TSPAN5: variants seen among roughly 807,000 people sequenced by gnomAD.
TSPAN5 encodes the protein tetraspanin-5.
A neutral mutation model predicts 37.1 loss-of-function variants in TSPAN5; 10 were observed. The observed-to-expected ratio is 0.27, with a 90% CI of 0.17 to 0.46. TSPAN5 has a LOEUF of 0.46. Ranked by LOEUF, TSPAN5 falls within the 20% of genes least tolerant of loss-of-function variation. The probability of loss-of-function intolerance (pLI) is 1.00; values close to 1 mark genes in which losing one functional copy is unlikely to be tolerated. For missense variants in TSPAN5, 195 were observed against 326.6 expected (o/e 0.60, Z 3.11); for synonymous variants, 110 against 118.9 (o/e 0.93, Z 0.48).
chr4:98,487,737 T>C (rs1271018717), intron 2 of TSPAN5, among the ~76,000 whole-genome samples: 1 of 152,118 alleles, frequency 6.6e-6, no homozygotes, highest in Non-Finnish European at 1.5e-5. Context: ...GATTTACAAA[T>C]CAAAGGTTAC....
intron 1 of TSPAN5, among the ~76,000 whole-genome samples, chr4:98,570,833 C>T (rs1420332921): frequency 6.6e-6 from 1 of 152,058 alleles, no homozygotes; most frequent in Non-Finnish European, 1.5e-5. Flanking sequence ...GTCCACATCG[C>T]ACCTCCTACA....
At chr4:98,623,419 T>C (rs1375448991) in intron 1 of TSPAN5, among the ~76,000 whole-genome samples, 2 of 152,204 alleles carry the variant, frequency 1.3e-5, no homozygotes, top group Non-Finnish European at 2.9e-5. Flanking sequence ...AAGAAGGTAT[T>C]TAATTAGAGT....
intron 1 of TSPAN5, among the ~76,000 whole-genome samples, chr4:98,579,502 G>A (rs1755322068): frequency 6.6e-6 from 1 of 150,644 alleles, no homozygotes; most frequent in South Asian, 2.2e-4. Context: ...CTGAGTAAAT[G>A]AGTGTTTAAC....
intron 2 of TSPAN5, among the ~76,000 whole-genome samples, chr4:98,503,973 G>A (rs1753415203): frequency 6.6e-6 from 1 of 152,092 alleles, no homozygotes; most frequent in African/African-American, 2.4e-5. Context: ...CTCATCCTTT[G>A]CATTTTTACA....
chr4:98,608,572 C>T (rs376512344), intron 1 of TSPAN5, among the ~76,000 whole-genome samples: 27 of 152,212 alleles, frequency 1.8e-4, no homozygotes, highest in Admixed American at 6.5e-4. Flanking sequence ...AGCGGAAGAA[C>T]GAGGCCCAGG....
intron 1 of TSPAN5, among the ~76,000 whole-genome samples, chr4:98,528,570 GGACA>G (rs1209627781): frequency 1.3e-5 from 2 of 151,980 alleles, no homozygotes; most frequent in Admixed American, 1.3e-4. Context: ...AAAATCTAGA[GGACA>G]GACTGGGATG....
At chr4:98,481,975 C>G (rs374574357) in intron 4 of TSPAN5, 30 bp downstream of exon 4, 5 of 1,609,544 alleles carry the variant, frequency 3.1e-6, no homozygotes, top group Non-Finnish European at 4.2e-6. Context: ...AGAGAACTTT[C>G]AACTTGAAAA....
intron 1 of TSPAN5, among the ~76,000 whole-genome samples, chr4:98,591,076 T>G (rs923497033): frequency 6.7e-6 from 1 of 149,566 alleles, no homozygotes; most frequent in East Asian, 1.9e-4. Flanking sequence ...TTTGTTTTTT[T>G]GTTTTTTTTT....
chr4:98,635,659 A>G (rs768282890), intron 1 of TSPAN5, among the ~76,000 whole-genome samples: 8 of 152,236 alleles, frequency 5.3e-5, no homozygotes, highest in Non-Finnish European at 1.0e-4. Context: ...GGAAAAAAAG[A>G]GACTACAGCA....
intron 1 of TSPAN5, among the ~76,000 whole-genome samples, chr4:98,642,896 C>T (rs901170444): frequency 1.3e-4 from 19 of 151,848 alleles, no homozygotes; most frequent in Non-Finnish European, 2.1e-4. Context: ...AGTGTTATTA[C>T]AAAAGAGTAA....
intron 1 of TSPAN5, among the ~76,000 whole-genome samples, chr4:98,554,088 A>T (rs2013855): frequency 0.71 from 106,750 of 151,186 alleles, 37,865 homozygotes; most frequent in South Asian, 0.86. Flanking sequence ...AATTAAAAAA[A>T]AAATGTAAAA....
At chr4:98,495,426 G>A (rs750817010) in intron 2 of TSPAN5, among the ~76,000 whole-genome samples, 2 of 151,946 alleles carry the variant, frequency 1.3e-5, no homozygotes, top group Admixed American at 6.5e-5. Context: ...TCGGGAGGCT[G>A]AGGCAGGAGA....
intron 1 of TSPAN5, among the ~76,000 whole-genome samples, chr4:98,607,760 G>C (rs1281496591): frequency 3.3e-5 from 5 of 151,448 alleles, no homozygotes; most frequent in African/African-American, 4.9e-5. Context: ...ACCCAGGCTG[G>C]AGTGCAATGG....
At chr4:98,472,627 G>C in intron 7 of TSPAN5, 40 bp from the exon 8 acceptor site, 2 of 1,554,934 alleles carry the variant, frequency 1.3e-6, no homozygotes, top group Non-Finnish European at 1.8e-6. Context: ...AGTGACACTT[G>C]TAACTTGTTT....
At chr4:98,579,624 G>T (rs1755325080) in intron 1 of TSPAN5, among the ~76,000 whole-genome samples, 1 of 152,152 alleles carries the variant, frequency 6.6e-6, no homozygotes, top group Admixed American at 6.5e-5. Flanking sequence ...AGGCAGACAA[G>T]AAAATTGCGT....
chr4:98,536,453 G>T (rs1341450613), intron 1 of TSPAN5, among the ~76,000 whole-genome samples: 1 of 152,210 alleles, frequency 6.6e-6, no homozygotes, highest in Non-Finnish European at 1.5e-5. Context: ...CTACTGGGAG[G>T]TGTCTCCCAG....
intron 1 of TSPAN5, among the ~76,000 whole-genome samples, chr4:98,568,359 G>C (rs987438227): frequency 5.3e-5 from 8 of 152,282 alleles, no homozygotes; most frequent in Non-Finnish European, 1.2e-4. Flanking sequence ...TGGCTAGCAA[G>C]GTGAAACCCT....
At chr4:98,499,314 T>A (rs559350595) in intron 2 of TSPAN5, among the ~76,000 whole-genome samples, 89 of 152,350 alleles carry the variant, frequency 5.8e-4, no homozygotes, top group African/African-American at 2.0e-3. Flanking sequence ...CCTTCCCTCC[T>A]CAGGGGCCAA....
chr4:98,642,924 TAATAA>T (rs770061905), intron 1 of TSPAN5, among the ~76,000 whole-genome samples: 4 of 152,228 alleles, frequency 2.6e-5, no homozygotes, highest in Non-Finnish European at 5.9e-5. Flanking sequence ...AAAAAAAGGT[TAATAA>T]AATAAAATGT....
Sources: gnomAD v4.1 joint callset for allele counts (sites outside exome capture counted in the v4.1 genomes callset) on GRCh38, gnomAD v4.1.1 for gene constraint, MANE v1.5 for transcripts, NCBI Gene and HGNC (gene_info 2026-07-23, HGNC 2026-07-21) for gene names.